Variants in ASAP3 observed in about 807,000 individuals in gnomAD.
The protein encoded by ASAP3 is ArfGAP with SH3 domain, ankyrin repeat and PH domain 3.
In ASAP3, 85 loss-of-function variants were observed where a neutral mutation model predicts 118.2. That is an observed-to-expected ratio of 0.72 (90% confidence interval 0.60 to 0.86). The LOEUF is 0.86. Among genes scored for constraint, ASAP3 ranks in the 40% least tolerant of loss-of-function variants. The pLI, the probability that ASAP3 is intolerant of heterozygous loss-of-function variation, is 0.00. For synonymous variants in ASAP3, 432 were observed against 477.4 expected (o/e 0.90, Z 1.24); for missense variants, 1,026 against 1,175.0 (o/e 0.87, Z 1.85).
At position 23,437,378 on chromosome 1, in the gene ASAP3, G is replaced by A. The variant is rs1192752926; in HGVS notation, c.1151+46C>T. On this transcript the variant is annotated intron_variant, in intron 13 of 24. Coordinates refer to ENST00000336689, the MANE Select transcript of ASAP3 (RefSeq NM_017707.4). The surrounding 1 kb of genome is among the most constrained non-coding windows in gnomAD (Gnocchi z 6.1). Reference sequence around the variant, plus strand: ...TCAAGTGGGAAGAGATAGGGCCGCCGGCCCCCACCCACAAGGCTGGCCGGG... The same window carrying A: ...TCAAGTGGGAAGAGATAGGGCCGCCAGCCCCCACCCACAAGGCTGGCCGGG... 1.9e-6 allele frequency: 3 copies of A among 1,611,138 alleles called. No homozygotes were observed. The highest frequency in any genetic ancestry group is 1.3e-5 in the African/African-American group (1 of 74,868).
chr1:23,459,012 A>G (rs1227954006), intron 1 of ASAP3, among the ~76,000 whole-genome samples: 1 of 151,968 alleles, frequency 6.6e-6, no homozygotes, highest in African/African-American at 2.4e-5. Flanking sequence ...TCTACTAAAA[A>G]TACAAAAATT....
chr1:23,477,110 G>A (rs1254610183), intron 1 of ASAP3, among the ~76,000 whole-genome samples: 2 of 149,544 alleles, frequency 1.3e-5, no homozygotes, highest in Non-Finnish European at 3.0e-5. Context: ...TCCACCTCCC[G>A]GGTTCAAGCA....
chr1:23,446,707 G>C (rs949008173), intron 5 of ASAP3, among the ~76,000 whole-genome samples: 1 of 152,062 alleles, frequency 6.6e-6, no homozygotes, highest in African/African-American at 2.4e-5. Flanking sequence ...CAAAGTGCTG[G>C]AATTACAGGC....
chr1:23,466,724 A>G (rs1641780235), intron 1 of ASAP3, among the ~76,000 whole-genome samples: 1 of 152,206 alleles, frequency 6.6e-6, no homozygotes, highest in Non-Finnish European at 1.5e-5. Context: ...AAGGCAACTC[A>G]AGCCAAGGGG....
intron 3 of ASAP3, among the ~76,000 whole-genome samples, chr1:23,453,157 G>A (rs1335937857): frequency 6.6e-6 from 1 of 152,198 alleles, no homozygotes; most frequent in Non-Finnish European, 1.5e-5. Context: ...TTCCTCGCCA[G>A]GAGCAGCCTC....
intron 1 of ASAP3, among the ~76,000 whole-genome samples, chr1:23,478,729 C>T (rs987161935): frequency 1.3e-5 from 2 of 151,494 alleles, no homozygotes; most frequent in African/African-American, 4.9e-5. Flanking sequence ...CACTGCACTC[C>T]AGCCTGCATG....
At position 23,439,152 on chromosome 1, in the gene ASAP3, AG is replaced by A. The variant is rs1558122559; in HGVS notation, c.1014+8del. 1 of 1,613,776 alleles carries A rather than the reference AG, an allele frequency of 6.2e-7. No homozygotes were observed. Among genetic ancestry groups the A allele is most frequent in the Non-Finnish European group, 8.5e-7 (1 of 1,179,732 alleles). ...GTGCCCTGAGACTCCCACCACCTCT[AG>A]GCCTCACCGTGCTGTGTGAGATGGT... On this transcript the variant is annotated splice_region_variant and intron_variant, in intron 11 of 24. Coordinates refer to ENST00000336689, the MANE Select transcript of ASAP3 (RefSeq NM_017707.4).
Position 23,436,970 on chromosome 1 carries a change from C to A in ASAP3, c.1417G>T (p.Val473Leu). ...AGTGACTGCATGCGCGAAAAGCGCA[C>A]GCCCAGTTCGCGGTGGACGCCCGAG... is the stretch of plus-strand genomic sequence containing the variant. ...QCSGVHRELG[V>L]RFSRMQSLTL... The change falls in exon 15 of 25, where the codon GTG becomes TTG. Residue 473 changes from valine to leucine, a missense_variant. Coordinates refer to ENST00000336689, the MANE Select transcript of ASAP3 (RefSeq NM_017707.4). This position sits in a 1 kb window ranked among gnomAD's most constrained non-coding sequence, Gnocchi z 4.2. The A allele has an allele frequency of 1.2e-6, 2 of 1,612,490 alleles. No individual in the cohort carries two copies. The highest frequency in any genetic ancestry group is 1.1e-5 in the South Asian group (1 of 90,990).
intron 3 of ASAP3, 30 bp downstream of exon 3, chr1:23,455,851 G>C: frequency 6.2e-7 from 1 of 1,612,994 alleles, no homozygotes; most frequent in Non-Finnish European, 8.5e-7. Flanking sequence ...TTTACCCTGA[G>C]TCTGGGCAAG....
At chr1:23,441,619 G>T (rs749480267) in intron 8 of ASAP3, 36 bp downstream of exon 8, 3 of 1,611,432 alleles carry the variant, frequency 1.9e-6, no homozygotes, top group Middle Eastern at 3.3e-4. Context: ...AGGACAGGGG[G>T]CTTGATCACG....
chr1:23,483,866 CTCGGTCCT>C, intron 1 of ASAP3, 131 bp downstream of exon 1: 1 of 962,208 alleles, frequency 1.0e-6, no homozygotes. Context: ...TGGAGATGCG[CTCGGTCCT>C]CCCAGACCTA....
At chr1:23,431,150 T>A (rs753685787) in intron 23 of ASAP3, 25 bp from the exon 24 acceptor site, 60 of 1,562,934 alleles carry the variant, frequency 3.8e-5, no homozygotes, top group Admixed American at 3.8e-5. Flanking sequence ...AAGGCCAACA[T>A]GACCCTCATG....
At chr1:23,476,897 T>C (rs1642147273) in intron 1 of ASAP3, among the ~76,000 whole-genome samples, 1 of 152,216 alleles carries the variant, frequency 6.6e-6, no homozygotes, top group Admixed American at 6.5e-5. Flanking sequence ...ATTTATTTGT[T>C]ATTCAACCAA....
intron 4 of ASAP3, 65 bp downstream of exon 4, chr1:23,452,632 C>G (rs1641254099): frequency 2.6e-6 from 4 of 1,546,462 alleles, no homozygotes; most frequent in Non-Finnish European, 3.6e-6. Context: ...GCCCTGCCCC[C>G]CAACAGTCTC....
At position 23,438,642 on chromosome 1, in the gene ASAP3, TG is replaced by T; in HGVS notation, c.1102+104del. On this transcript the variant is annotated intron_variant, in intron 12 of 24. Coordinates refer to ENST00000336689, the MANE Select transcript of ASAP3 (RefSeq NM_017707.4). The surrounding 1 kb of genome is among the most constrained non-coding windows in gnomAD (Gnocchi z 4.9). ...AGTAGCAGCAATTCGACACCATGTG[TG>T]GAACTGGACACAGACCCCTCACTGA... The T allele has an allele frequency of 2.1e-6, 2 of 937,822 alleles. No individual in the cohort carries two copies. The highest frequency in any genetic ancestry group is 3.3e-6 in the Non-Finnish European group (2 of 598,354). 58.1% of individuals were successfully genotyped at this position (937,822 alleles called of 1,614,324 possible). A position where few individuals can be genotyped will look rare whatever the true frequency, so the allele number is the denominator to read the frequency against.
intron 4 of ASAP3, among the ~76,000 whole-genome samples, 163 bp from the exon 5 acceptor site, chr1:23,451,691 C>T (rs1641220941): frequency 6.6e-6 from 1 of 152,148 alleles, no homozygotes; most frequent in Admixed American, 6.5e-5. Context: ...CAAACCTGCC[C>T]CCACCAAACA....
intron 1 of ASAP3, among the ~76,000 whole-genome samples, chr1:23,476,453 A>C (rs565733948): frequency 6.6e-6 from 1 of 152,002 alleles, no homozygotes; most frequent in South Asian, 2.1e-4. Flanking sequence ...CACTTCTACA[A>C]TCTGTGCACT....
chr1:23,484,246 G>GCCCCT (rs1233454741), upstream of ASAP3: 1 of 1,004,618 alleles, frequency 1.0e-6, no homozygotes, highest in Non-Finnish European at 1.2e-6. Context: ...CACACGCCCC[G>GCCCCT]CCCCTCCGCA....
chr1:23,435,338 T>C (rs1640599452), intron 17 of ASAP3, among the ~76,000 whole-genome samples: 1 of 152,224 alleles, frequency 6.6e-6, no homozygotes, highest in Admixed American at 6.5e-5. Context: ...CAACATCCAA[T>C]TTTTGATGTC....
Sources: allele counts gnomAD v4.1 joint callset (sites outside exome capture counted in the v4.1 genomes callset), GRCh38; gene constraint gnomAD v4.1.1; non-coding constraint Gnocchi (gnomAD v3.1); transcripts MANE v1.5; gene names NCBI Gene and HGNC (gene_info 2026-07-23, HGNC 2026-07-21).